The following RP1 variants were observed in gnomAD, a reference collection of about 807,000 sequenced individuals.
RP1 encodes oxygen-regulated protein 1.
Under a neutral mutation model 14.8 loss-of-function variants are expected in RP1, and 16 were observed. The ratio of observed to expected loss-of-function variants is 1.08; its 90% CI spans 0.73 to 1.65. The LOEUF (loss-of-function observed/expected upper bound fraction) is 1.65. Ranked by LOEUF, RP1 falls within the 40% of genes most tolerant of loss-of-function variation. RP1 has a pLI of 0.00. For missense variants in RP1, 2,631 were observed against 2,535.0 expected (o/e 1.04, Z -0.81); for synonymous variants, 876 against 883.6 (o/e 0.99, Z 0.15).
downstream of RP1, among the ~76,000 whole-genome samples, chr8:54,633,710 C>CCTCTCT (rs3077384): frequency 0.099 from 11,650 of 117,800 alleles, 653 homozygotes; most frequent in Non-Finnish European, 0.13. Context: ...TTATTTTGTG[C>CCTCTCT]CTCTCTCTCT....
chr8:54,590,164 T>C (rs1268257433), intron 1 of RP1, among the ~76,000 whole-genome samples: 3 of 152,198 alleles, frequency 2.0e-5, no homozygotes, highest in Non-Finnish European at 4.4e-5. Flanking sequence ...GAAAATCTAT[T>C]TCTTTCTCTC....
At position 54,625,956 on chromosome 8, in the gene RP1, A is replaced by G; in HGVS notation, c.2074A>G (p.Thr692Ala). Residue 692 changes from threonine (T) to alanine (A), a missense_variant, in exon 4 of 4, where the codon ACC (threonine) becomes GCC (alanine). Physicochemically the swap from Thr to Ala is moderately conservative, Grantham distance 58 (BLOSUM62 0). Transcript: ENST00000220676. Reference sequence around the variant, plus strand: ...CAGGTATCAAGATGGACAGCTTGCAACCAAAGGAATTCTTAATAAGAATGA... The same window carrying G: ...CAGGTATCAAGATGGACAGCTTGCAGCCAAAGGAATTCTTAATAAGAATGA... ...NSRYQDGQLA[T>A]KGILNKNERI... 6.2e-7 allele frequency: 1 copy of G among 1,614,014 alleles called. No homozygotes were observed. Among genetic ancestry groups the G allele is most frequent in the Non-Finnish European group, 8.5e-7 (1 of 1,179,952 alleles).
At chr8:54,614,546 C>A (rs1805669530), upstream of RP1, among the ~76,000 whole-genome samples, 1 of 152,142 alleles carries the variant, frequency 6.6e-6, no homozygotes, top group Non-Finnish European at 1.5e-5. Context: ...GGTTTAGATA[C>A]ACACTGATAT....
chr8:54,652,896 T>A, intron 5 of RP1: 1 of 1,465,396 alleles, frequency 6.8e-7, no homozygotes, highest in Non-Finnish European at 9.2e-7. Context: ...TTCCCATTCT[T>A]TGCAAAATCC....
At chr8:54,648,947 A>G in intron 3 of RP1, 1 of 1,409,230 alleles carries the variant, frequency 7.1e-7, no homozygotes, top group Non-Finnish European at 9.3e-7. Context: ...CATTTCTATC[A>G]GTTGCCATAA....
rs67080259 is a variant in RP1, at chr8:54,581,008, AT to A, written c.-13+21697del. Among the ~76,000 whole-genome samples, 469 of 77,386 alleles carry A rather than the reference AT, an allele frequency of 6.1e-3. 9 individuals are homozygous for A. Among genetic ancestry groups the A allele is most frequent in the Non-Finnish European group, 0.011 (252 of 23,580 alleles). 50.8% of individuals were successfully genotyped at this position (77,386 alleles called of 152,430 possible). A position where few individuals can be genotyped will look rare whatever the true frequency, so the allele number is the denominator to read the frequency against. On this transcript the variant is annotated intron_variant, in intron 1 of 22. Transcript: ENST00000636932. ...ATTCTTTTTATTTATTTATCTATTT[AT>A]TTTTTTTTATTATACTTTAAGTTTT...
chr8:54,825,451 T>G (rs61397308), intron 24 of RP1, among the ~76,000 whole-genome samples: 47,872 of 151,952 alleles, frequency 0.32, 7,703 homozygotes, highest in South Asian at 0.37. Context: ...ATCCATCAAA[T>G]AAAAAAGTGA....
chr8:54,729,175 T>C (rs1808732280), intron 17 of RP1, among the ~76,000 whole-genome samples: 1 of 152,220 alleles, frequency 6.6e-6, no homozygotes, highest in Non-Finnish European at 1.5e-5. Flanking sequence ...TTCCGGCAAC[T>C]ACCTATTTCT....
intron 24 of RP1, among the ~76,000 whole-genome samples, chr8:54,800,817 T>A (rs780225703): frequency 6.6e-5 from 10 of 152,236 alleles, no homozygotes; most frequent in Non-Finnish European, 7.3e-5. Context: ...ATTTCTTGTA[T>A]GATAGTTTTA....
intron 1 of RP1, among the ~76,000 whole-genome samples, chr8:54,619,255 A>G (rs1446121475): frequency 1.3e-5 from 2 of 152,216 alleles, no homozygotes; most frequent in East Asian, 3.8e-4. Flanking sequence ...TCTAAGTTAC[A>G]TTTAAATAAG....
In RP1 at chr8:54,647,123, C is replaced by A. The variant is rs572429540; in HGVS notation, c.788-1862C>A. Among the ~76,000 whole-genome samples the A allele has an allele frequency of 9.9e-5, 15 of 152,154 alleles. 1 individual carries two copies. The Middle Eastern group carries it at 0.014, about 138-fold the overall frequency. On this transcript the variant is annotated intron_variant, in intron 3 of 22. Transcript: ENST00000636932. ...TTTATATTTTTAAGTAGATTTTTTA[C>A]AAACAGGCCAGGTGCAGTGGCTCAT...
At chr8:54,806,297 G>C (rs893434074) in intron 24 of RP1, among the ~76,000 whole-genome samples, 2 of 152,016 alleles carry the variant, frequency 1.3e-5, no homozygotes, top group Admixed American at 1.3e-4. Context: ...GATTACAAGC[G>C]TGAGCCATTG....
intron 22 of RP1, among the ~76,000 whole-genome samples, chr8:54,769,040 C>T (rs1490491542): frequency 3.3e-5 from 5 of 151,884 alleles, no homozygotes; most frequent in Non-Finnish European, 5.9e-5. Flanking sequence ...GGACTACAGG[C>T]GCCCACCACC....
At chr8:54,771,987 A>G (rs1809921337), downstream of RP1, among the ~76,000 whole-genome samples, 1 of 152,020 alleles carries the variant, frequency 6.6e-6, no homozygotes. Flanking sequence ...TTTAAATTTA[A>G]AGGAGAAAAG....
intron 1 of RP1, among the ~76,000 whole-genome samples, chr8:54,607,673 G>A (rs1396321983): frequency 6.6e-6 from 1 of 152,182 alleles, no homozygotes; most frequent in Non-Finnish European, 1.5e-5. Flanking sequence ...AGGCCTCCTT[G>A]AGCTGCGGTG....
intron 1 of RP1, among the ~76,000 whole-genome samples, chr8:54,619,726 C>A (rs1805809372): frequency 6.6e-6 from 1 of 152,226 alleles, no homozygotes. Flanking sequence ...GTCATTCATT[C>A]AAAGGACATT....
At chr8:54,824,448 C>T (rs34652537) in intron 24 of RP1, among the ~76,000 whole-genome samples, 1 of 151,888 alleles carries the variant, frequency 6.6e-6, no homozygotes, top group Admixed American at 6.5e-5. Flanking sequence ...AAGAATCTGT[C>T]GGCCCATAGA....
chr8:54,721,489 A>G (rs1808535772), intron 16 of RP1, among the ~76,000 whole-genome samples: 1 of 152,264 alleles, frequency 6.6e-6, no homozygotes, highest in African/African-American at 2.4e-5. Context: ...GCAGGTAGAG[A>G]TGAAAAGGTG....
rs551098251 is a variant in RP1 at position 54,830,286 on chromosome 8, CT to C, written c.3616-7153del. On this transcript the variant is annotated intron_variant, in intron 24 of 28. Transcript: ENST00000637698. Reference sequence around the variant, plus strand: ...TGTCATAAAATGACCTTCTGTATTTCTTTTTTTTTTTATACTTTAAGTTCTG... The same window carrying C: ...TGTCATAAAATGACCTTCTGTATTTCTTTTTTTTTTATACTTTAAGTTCTG... Among the ~76,000 whole-genome samples, 237 of 144,854 alleles carry C rather than the reference CT, an allele frequency of 1.6e-3. 1 individual carries two copies. Among genetic ancestry groups the C allele is most frequent in the East Asian group, 4.0e-3 (20 of 5,022 alleles).
Sources: allele counts gnomAD v4.1 joint callset (sites outside exome capture counted in the v4.1 genomes callset), GRCh38; gene constraint gnomAD v4.1.1; transcripts MANE v1.5; gene names NCBI Gene and HGNC (gene_info 2026-07-23, HGNC 2026-07-21).